Variants in LPA observed in about 807,000 individuals in gnomAD.
LPA encodes the protein lipoprotein(a), also known as apolipoprotein(a).
In LPA, 199 loss-of-function variants were observed where a neutral mutation model predicts 197.9. That is an observed-to-expected ratio of 1.01 (90% confidence interval 0.90 to 1.13). The LOEUF is 1.13. Among genes scored for constraint, LPA ranks in the 50% most tolerant of loss-of-function variants. The probability of loss-of-function intolerance (pLI) is 0.00; values close to 1 mark genes in which losing one functional copy is unlikely to be tolerated. For synonymous variants in LPA, 715 were observed against 639.5 expected (o/e 1.12, Z -1.78); for missense variants, 1,853 against 1,785.8 (o/e 1.04, Z -0.68).
At chr6:160,650,750 C>T (rs1779991162) in intron 1 of LPA, among the ~76,000 whole-genome samples, 1 of 152,204 alleles carries the variant, frequency 6.6e-6, no homozygotes, top group African/African-American at 2.4e-5. Flanking sequence ...TCACCAGAAA[C>T]TATGCTCATG....
At chr6:160,576,370 A>G (rs1423150911) in intron 28 of LPA, among the ~76,000 whole-genome samples, 2 of 10,258 alleles carry the variant, frequency 1.9e-4, no homozygotes, top group South Asian at 4.0e-3. Flanking sequence ...ATATATACAT[A>G]TATATATATA....
At chr6:160,599,288 A>G (rs1247300686) in intron 20 of LPA, among the ~76,000 whole-genome samples, 1 of 152,188 alleles carries the variant, frequency 6.6e-6, no homozygotes, top group Non-Finnish European at 1.5e-5. Context: ...GCTTGCAGTG[A>G]GCCGAGATCA....
intron 28 of LPA, among the ~76,000 whole-genome samples, chr6:160,569,572 G>A (rs1237570993): frequency 6.6e-6 from 1 of 152,070 alleles, no homozygotes; most frequent in Admixed American, 6.6e-5. Context: ...ATAGGCATGG[G>A]CAAGGACTTC....
At chr6:160,553,340 T>A (rs2115008037) in intron 30 of LPA, among the ~76,000 whole-genome samples, 1 of 152,322 alleles carries the variant, frequency 6.6e-6, no homozygotes, top group African/African-American at 2.4e-5. Context: ...CTGAATAACT[T>A]TCCTTAAAAT....
At chr6:160,657,945 C>T (rs748328172) in intron 1 of LPA, among the ~76,000 whole-genome samples, 8 of 152,186 alleles carry the variant, frequency 5.3e-5, no homozygotes, top group South Asian at 2.1e-4. Context: ...CTCTGGGGCC[C>T]GCAAGGAATT....
chr6:160,662,840 T>C (rs774231694), intron 1 of LPA, among the ~76,000 whole-genome samples: 11 of 152,192 alleles, frequency 7.2e-5, no homozygotes, highest in Admixed American at 2.6e-4. Flanking sequence ...CTACCTCCCT[T>C]TCATCAGACT....
chr6:160,571,251 G>A (rs1345116489), intron 28 of LPA, among the ~76,000 whole-genome samples: 1 of 152,142 alleles, frequency 6.6e-6, no homozygotes, highest in African/African-American at 2.4e-5. Context: ...ACTGCTTACT[G>A]TAGTTAGCAA....
In LPA at chr6:160,553,915, CTCTT is replaced by C. The variant is rs1206224916; in HGVS notation, c.4973+2106_4973+2109del. On this transcript the variant is annotated intron_variant, in intron 30 of 38. Coordinates refer to ENST00000316300, the MANE Select transcript of LPA (RefSeq NM_005577.4). The stretch of plus-strand genomic sequence containing the variant: ...TATTTTTTTCAGCCTTTCTCTCTCT[CTCTT>C]TCTCTCTCTCTCTCTCTCTGTGTGT... Among the ~76,000 whole-genome samples, 1,321 of 139,918 alleles carry C rather than the reference CTCTT, an allele frequency of 9.4e-3. 19 individuals are homozygous for C. The highest frequency in any genetic ancestry group is 0.032 in the African/African-American group (1,246 of 38,556). 91.8% of individuals were successfully genotyped at this position (139,918 alleles called of 152,430 possible).
At chr6:160,610,893 T>C (rs887507151) in intron 16 of LPA, among the ~76,000 whole-genome samples, 1 of 152,184 alleles carries the variant, frequency 6.6e-6, no homozygotes, top group African/African-American at 2.4e-5. Flanking sequence ...AAACCATTTT[T>C]CCATGTCTTT....
intron 18 of LPA, among the ~76,000 whole-genome samples, chr6:160,602,631 G>T (rs1174344699): frequency 6.6e-6 from 1 of 152,132 alleles, no homozygotes; most frequent in African/African-American, 2.4e-5. Context: ...TCTTCTTCTA[G>T]CTAATTTTCT....
chr6:160,551,667 T>C (rs893086510), intron 30 of LPA, among the ~76,000 whole-genome samples: 1 of 152,210 alleles, frequency 6.6e-6, no homozygotes, highest in Non-Finnish European at 1.5e-5. Context: ...AGGTTCAGTT[T>C]TAGCTCTGAC....
chr6:160,575,603 A>G (rs1330990513), intron 28 of LPA, among the ~76,000 whole-genome samples: 6 of 152,168 alleles, frequency 3.9e-5, no homozygotes, highest in Admixed American at 3.3e-4. Context: ...TTTTGCTCTT[A>G]AAATACATCA....
chr6:160,589,467 C>T lies in LPA; in HGVS notation c.3947+86G>A. On this transcript the variant is annotated intron_variant, in intron 24 of 38. Coordinates refer to ENST00000316300, the MANE Select transcript of LPA (RefSeq NM_005577.4). ...ATTCTGGGTCTGAGAGAAATTGGGTCATAAGAAGTTAGCTGGAAGCATGGC... is the reference window on the plus strand; with the variant it reads ...ATTCTGGGTCTGAGAGAAATTGGGTTATAAGAAGTTAGCTGGAAGCATGGC... The T allele has an allele frequency of 4.6e-6, 7 of 1,507,624 alleles. No individual in the cohort carries two copies. In the South Asian group the frequency reaches 6.8e-5, roughly 15 times the overall value. The allele number at this position is 1,507,624 out of a possible 1,614,324, so 93.4% of individuals were successfully genotyped here. A position where few individuals can be genotyped will look rare whatever the true frequency, so the allele number is the denominator to read the frequency against.
intron 2 of LPA, among the ~76,000 whole-genome samples, chr6:160,647,675 T>C (rs1311068280): frequency 6.6e-6 from 1 of 152,204 alleles, no homozygotes; most frequent in African/African-American, 2.4e-5. Context: ...ACCCACACAT[T>C]AACCTTTTAT....
At chr6:160,647,688 G>A (rs1779924044) in intron 2 of LPA, among the ~76,000 whole-genome samples, 1 of 152,088 alleles carries the variant, frequency 6.6e-6, no homozygotes, top group Non-Finnish European at 1.5e-5. Context: ...CCTTTTATTA[G>A]TATTACATAC....
At chr6:160,594,168 G>A (rs1426041641) in intron 21 of LPA, 51 bp from the exon 22 acceptor site, 8 of 1,605,434 alleles carry the variant, frequency 5.0e-6, no homozygotes, top group Non-Finnish European at 6.8e-6. Flanking sequence ...GAACACAGAA[G>A]CATCAGAAGA....
At chr6:160,598,482 G>C (rs539490361) in intron 20 of LPA, among the ~76,000 whole-genome samples, 1 of 152,186 alleles carries the variant, frequency 6.6e-6, no homozygotes, top group Non-Finnish European at 1.5e-5. Context: ...GCATTGATGG[G>C]TTGATCTCAT....
chr6:160,571,380 G>A (rs1322415574), intron 28 of LPA, among the ~76,000 whole-genome samples: 1 of 152,142 alleles, frequency 6.6e-6, no homozygotes, highest in African/African-American at 2.4e-5. Flanking sequence ...GAGGCAGTCT[G>A]TCCCTTATCA....
intron 20 of LPA, 141 bp downstream of exon 20, chr6:160,599,359 C>G: frequency 2.3e-6 from 3 of 1,321,462 alleles, no homozygotes; most frequent in Non-Finnish European, 3.2e-6. Flanking sequence ...ACAAAGTCTT[C>G]TCTAAGAACT....
Sources: gnomAD v4.1 joint callset for allele counts (sites outside exome capture counted in the v4.1 genomes callset) on GRCh38, gnomAD v4.1.1 for gene constraint, MANE v1.5 for transcripts, NCBI Gene and HGNC (gene_info 2026-07-23, HGNC 2026-07-21) for gene names.